SGCZ: variants seen among roughly 807,000 people sequenced by gnomAD.
SGCZ encodes zeta-sarcoglycan.
In SGCZ, 40 loss-of-function variants were observed where a neutral mutation model predicts 41.3. The observed-to-expected ratio is 0.97, with a 90% CI of 0.75 to 1.26. The LOEUF (loss-of-function observed/expected upper bound fraction) is 1.26, where lower values mean the gene tolerates loss of function less well. SGCZ is among the 50% of genes most tolerant of loss of function. The probability of loss-of-function intolerance (pLI) is 0.00; values close to 1 mark genes in which losing one functional copy is unlikely to be tolerated. For missense variants in SGCZ, 552 were observed against 369.8 expected (o/e 1.49, Z -4.04); for synonymous variants, 206 against 137.5 (o/e 1.50, Z -3.49).
At chr8:14,685,796 GA>G (rs1808592975) in intron 1 of SGCZ, among the ~76,000 whole-genome samples, 1 of 151,972 alleles carries the variant, frequency 6.6e-6, no homozygotes, top group African/African-American at 2.4e-5. Flanking sequence ...CAGCTGTTAG[GA>G]AAAAAACCTC....
intron 1 of SGCZ, among the ~76,000 whole-genome samples, chr8:14,852,101 T>A (rs1267984532): frequency 6.6e-6 from 1 of 152,162 alleles, no homozygotes; most frequent in Non-Finnish European, 1.5e-5. Context: ...TAAACTTCTT[T>A]GATCAAATTA....
chr8:14,731,384 AG>A (rs1167645318), intron 1 of SGCZ, among the ~76,000 whole-genome samples: 1 of 115,126 alleles, frequency 8.7e-6, no homozygotes, highest in Non-Finnish European at 1.8e-5. Flanking sequence ...GGGGTCTGTC[AG>A]GGGGTGGGGG....
chr8:14,929,766 G>A (rs568570866), intron 1 of SGCZ, among the ~76,000 whole-genome samples: 1 of 151,908 alleles, frequency 6.6e-6, no homozygotes, highest in African/African-American at 2.4e-5. Context: ...TGTCTTTATT[G>A]CCCAGAAACA....
chr8:15,118,209 A>C (rs1312285669), intron 1 of SGCZ, among the ~76,000 whole-genome samples: 2 of 152,252 alleles, frequency 1.3e-5, no homozygotes, highest in African/African-American at 4.8e-5. Context: ...TTAAGATTTA[A>C]TATTCAATAA....
intron 1 of SGCZ, among the ~76,000 whole-genome samples, chr8:15,031,891 C>T (rs1323670584): frequency 7.2e-6 from 1 of 138,104 alleles, no homozygotes; most frequent in Admixed American, 7.7e-5. Flanking sequence ...ATATTCTATA[C>T]CCTCTATATT....
intron 4 of SGCZ, among the ~76,000 whole-genome samples, chr8:14,228,683 G>T (rs1806457448): frequency 6.6e-6 from 1 of 152,018 alleles, no homozygotes; most frequent in Non-Finnish European, 1.5e-5. Flanking sequence ...AAATAAAGCA[G>T]TGGGACACCT....
chr8:15,041,619 T>C (rs753483814), intron 1 of SGCZ, among the ~76,000 whole-genome samples: 2 of 152,106 alleles, frequency 1.3e-5, no homozygotes, highest in Non-Finnish European at 2.9e-5. Context: ...GAAATGCATA[T>C]ACTGATTTTA....
chr8:14,997,667 G>C (rs1372733151), intron 1 of SGCZ, among the ~76,000 whole-genome samples: 1 of 152,104 alleles, frequency 6.6e-6, no homozygotes, highest in Non-Finnish European at 1.5e-5. Context: ...CAGACAATTA[G>C]AAATAGTCCT....
Position 14,249,054 on chromosome 8 carries a change from G to A in SGCZ, c.337-11375C>T, listed in dbSNP as rs374183736. On this transcript the variant is annotated intron_variant, in intron 3 of 7. Transcript: ENST00000382080. ...CTGGAGATGGGTGTCCAAATATTTG[G>A]TGAAACATTATTTTGAGTAGGTCTG... Among the ~76,000 whole-genome samples the A allele has an allele frequency of 9.2e-5, 14 of 152,252 alleles. 1 individual carries two copies. In the South Asian group the frequency reaches 2.5e-3, roughly 27 times the overall value.
intron 1 of SGCZ, among the ~76,000 whole-genome samples, chr8:14,884,392 A>T (rs1804709690): frequency 6.6e-6 from 1 of 152,162 alleles, no homozygotes; most frequent in African/African-American, 2.4e-5. Context: ...TTATTTATAT[A>T]TCAGTATAAG....
At chr8:14,826,263 T>G (rs1383905088) in intron 1 of SGCZ, among the ~76,000 whole-genome samples, 3 of 152,164 alleles carry the variant, frequency 2.0e-5, no homozygotes, top group African/African-American at 7.2e-5. Flanking sequence ...GGATATGAAC[T>G]CTTCATTTTT....
At chr8:14,333,297 T>G (rs919472958) in intron 2 of SGCZ, among the ~76,000 whole-genome samples, 2 of 152,068 alleles carry the variant, frequency 1.3e-5, no homozygotes, top group Non-Finnish European at 2.9e-5. Flanking sequence ...TGATGGTAAA[T>G]GGAGACAACT....
At chr8:15,192,346 T>A (rs1308076097) in intron 1 of SGCZ, among the ~76,000 whole-genome samples, 8 of 152,084 alleles carry the variant, frequency 5.3e-5, no homozygotes. Context: ...CATACAAATT[T>A]TTCTTAAAAT....
At chr8:15,191,761 A>G (rs1800548947) in intron 1 of SGCZ, among the ~76,000 whole-genome samples, 1 of 152,108 alleles carries the variant, frequency 6.6e-6, no homozygotes, top group African/African-American at 2.4e-5. Flanking sequence ...AAATACTGAT[A>G]TATTTCAGAA....
chr8:15,196,354 G>C (rs1800731777), intron 1 of SGCZ, among the ~76,000 whole-genome samples: 1 of 152,098 alleles, frequency 6.6e-6, no homozygotes, highest in African/African-American at 2.4e-5. Flanking sequence ...TTTAACTCAA[G>C]AAAAGCTCCC....
At chr8:15,139,921 C>G (rs190624271) in intron 1 of SGCZ, among the ~76,000 whole-genome samples, 1 of 152,168 alleles carries the variant, frequency 6.6e-6, no homozygotes, top group Non-Finnish European at 1.5e-5. Context: ...TTACTTTATA[C>G]CTGATTCTAT....
At chr8:14,183,368 G>C (rs919388756) in intron 4 of SGCZ, among the ~76,000 whole-genome samples, 3 of 151,950 alleles carry the variant, frequency 2.0e-5, no homozygotes, top group Non-Finnish European at 4.4e-5. Context: ...CTTGAGAACA[G>C]AATAAAAATG....
chr8:14,614,998 ATG>A (rs34548828), intron 1 of SGCZ, among the ~76,000 whole-genome samples: 50,065 of 147,424 alleles, frequency 0.34, 8,598 homozygotes, highest in East Asian at 0.62. Flanking sequence ...GTGTGTATAT[ATG>A]TGTGTGTGTG....
intron 2 of SGCZ, among the ~76,000 whole-genome samples, chr8:14,553,517 A>G (rs1803936542): frequency 6.6e-6 from 1 of 152,056 alleles, no homozygotes; most frequent in African/African-American, 2.4e-5. Flanking sequence ...TATTGGAAAA[A>G]AAATGGAACC....
Sources: allele counts gnomAD v4.1 joint callset (sites outside exome capture counted in the v4.1 genomes callset), GRCh38; gene constraint gnomAD v4.1.1; transcripts MANE v1.5; gene names NCBI Gene and HGNC (gene_info 2026-07-23, HGNC 2026-07-21).